The following ANKRD44 variants were observed in gnomAD, a reference collection of about 807,000 sequenced individuals.
ANKRD44 encodes the protein ankyrin repeat domain 44.
Under a neutral mutation model 116.0 loss-of-function variants are expected in ANKRD44, and 35 were observed. That is an observed-to-expected ratio of 0.30 (90% CI 0.23 to 0.40). ANKRD44 has a LOEUF of 0.40. Among genes scored for constraint, ANKRD44 ranks in the 10% least tolerant of loss-of-function variants. ANKRD44 has a pLI of 1.00. For missense variants in ANKRD44, 1,014 were observed against 1,242.6 expected (o/e 0.82, Z 2.77); for synonymous variants, 435 against 461.8 (o/e 0.94, Z 0.74).
At chr2:197,130,055 A>T (rs1218962601) in intron 4 of ANKRD44, among the ~76,000 whole-genome samples, 1 of 152,228 alleles carries the variant, frequency 6.6e-6, no homozygotes, top group Non-Finnish European at 1.5e-5. Flanking sequence ...AAAGTCTGTA[A>T]GTAATAATCT....
At chr2:197,022,306 A>G (rs2076512528) in intron 17 of ANKRD44, among the ~76,000 whole-genome samples, 1 of 152,218 alleles carries the variant, frequency 6.6e-6, no homozygotes, top group South Asian at 2.1e-4. Context: ...AGTCATGGTC[A>G]TCATCTCTTG....
At chr2:197,158,904 T>C (rs2079888110) in intron 2 of ANKRD44, among the ~76,000 whole-genome samples, 1 of 152,134 alleles carries the variant, frequency 6.6e-6, no homozygotes, top group African/African-American at 2.4e-5. Flanking sequence ...AGAATCTTGC[T>C]TTCTTGACTC....
intron 1 of ANKRD44, among the ~76,000 whole-genome samples, chr2:197,233,716 T>C (rs1299267602): frequency 6.6e-6 from 1 of 152,192 alleles, no homozygotes; most frequent in Non-Finnish European, 1.5e-5. Flanking sequence ...CAGTCACCTT[T>C]TGCCAAGAAA....
At chr2:197,054,160 T>A (rs541907869) in intron 16 of ANKRD44, among the ~76,000 whole-genome samples, 1 of 152,234 alleles carries the variant, frequency 6.6e-6, no homozygotes, top group Non-Finnish European at 1.5e-5. Context: ...TAAACTTATA[T>A]GTAATGTAAA....
intron 1 of ANKRD44, among the ~76,000 whole-genome samples, chr2:197,241,277 T>G (rs1018669824): frequency 6.6e-6 from 1 of 152,222 alleles, no homozygotes; most frequent in Non-Finnish European, 1.5e-5. Context: ...CACAGAGGAC[T>G]TAGTCGTCAA....
At chr2:197,081,760 A>G in intron 14 of ANKRD44, 35 bp from the exon 15 acceptor site, 1 of 1,545,738 alleles carries the variant, frequency 6.5e-7, no homozygotes, top group Non-Finnish European at 8.9e-7. Context: ...AAAAATTGCA[A>G]TTAATTTTTT....
intron 17 of ANKRD44, 144 bp from the exon 18 acceptor site, chr2:197,013,856 A>G (rs2076340754): frequency 5.4e-6 from 4 of 734,196 alleles, no homozygotes; most frequent in Non-Finnish European, 9.0e-6. Context: ...ATATTTATTA[A>G]AACTCAGGCA....
intron 2 of ANKRD44, among the ~76,000 whole-genome samples, chr2:197,184,874 T>C (rs556751736): frequency 6.6e-6 from 1 of 152,292 alleles, no homozygotes; most frequent in Non-Finnish European, 1.5e-5. Flanking sequence ...AGTTAACCTA[T>C]CTAATTCAGT....
intron 1 of ANKRD44, among the ~76,000 whole-genome samples, chr2:197,242,287 A>G (rs1391007703): frequency 6.6e-6 from 1 of 152,196 alleles, no homozygotes; most frequent in Non-Finnish European, 1.5e-5. Flanking sequence ...TTATAATATA[A>G]TGGTATTTTA....
chr2:197,086,555 CGAG>C, intron 13 of ANKRD44, 122 bp downstream of exon 13: 1 of 824,234 alleles, frequency 1.2e-6, no homozygotes, highest in South Asian at 1.7e-5. Flanking sequence ...GACTTCCTTC[CGAG>C]GAGGATGGAA....
chr2:197,102,269 A>G (rs2078311270), intron 9 of ANKRD44, among the ~76,000 whole-genome samples: 1 of 152,204 alleles, frequency 6.6e-6, no homozygotes, highest in Non-Finnish European at 1.5e-5. Flanking sequence ...GGAATGCCAC[A>G]GTGAATAATC....
intron 21 of ANKRD44, among the ~76,000 whole-genome samples, chr2:196,972,320 C>T (rs370036439): frequency 6.6e-6 from 1 of 152,306 alleles, no homozygotes; most frequent in South Asian, 2.1e-4. Flanking sequence ...TCGCATGCCT[C>T]AGCCACCTGA....
rs932161508 is a variant in ANKRD44, at chr2:196,987,793, A to G, written c.*1798T>C. ...GTTGTGGTTAAAATACAGTCTAAAA[A>G]TAACACAAATAAAAGCACTAAGCAA... On this transcript the variant is annotated 3_prime_UTR_variant, in exon 28 of 28. Coordinates refer to ENST00000282272, the MANE Select transcript of ANKRD44 (RefSeq NM_001195144.2). The G allele has an allele frequency of 2.3e-4, 223 of 985,342 alleles. No individual in the cohort carries two copies. The highest frequency in any genetic ancestry group is 2.5e-4 in the Non-Finnish European group (211 of 829,934). The allele number at this position is 985,342 out of a possible 1,614,324, so 61.0% of individuals were successfully genotyped here.
At chr2:197,172,287 C>T (rs1034578063) in intron 2 of ANKRD44, among the ~76,000 whole-genome samples, 1 of 152,104 alleles carries the variant, frequency 6.6e-6, no homozygotes, top group Admixed American at 6.5e-5. Context: ...CAGGTGTGAG[C>T]CACCACGCCC....
chr2:197,097,754 G>C (rs1268077021), intron 10 of ANKRD44, among the ~76,000 whole-genome samples: 7 of 152,158 alleles, frequency 4.6e-5, no homozygotes, highest in South Asian at 4.1e-4. Context: ...CTATCAGAGC[G>C]AACTTTCTTA....
intron 16 of ANKRD44, among the ~76,000 whole-genome samples, chr2:197,042,415 G>A (rs778763538): frequency 7.4e-5 from 11 of 149,462 alleles, no homozygotes; most frequent in Non-Finnish European, 1.2e-4. Context: ...ATTGTTAGGA[G>A]AAAAGGAAGA....
At chr2:197,280,709 T>A (rs1272439451) in intron 1 of ANKRD44, among the ~76,000 whole-genome samples, 1 of 152,168 alleles carries the variant, frequency 6.6e-6, no homozygotes, top group African/African-American at 2.4e-5. Flanking sequence ...TAAAAGCCCA[T>A]CAAAGAGTAT....
chr2:197,037,068 T>C (rs1015468544), intron 16 of ANKRD44, among the ~76,000 whole-genome samples: 1 of 152,220 alleles, frequency 6.6e-6, no homozygotes, highest in Non-Finnish European at 1.5e-5. Context: ...ACACCTTCAA[T>C]GTTACTTAAC....
chr2:197,198,780 G>C lies in ANKRD44; in HGVS notation c.28-11674C>G, dbSNP rs1328934839. The C allele has an allele frequency of 2.1e-5, 3 of 141,138 alleles. No homozygotes were observed. In the East Asian group the frequency reaches 5.8e-4, roughly 27 times the overall value. 8.7% of individuals were successfully genotyped at this position (141,138 alleles called of 1,614,324 possible). ...TGCACTCCAGCCTGGGCGACAGCAAGACTCCATCTCGAAAAATAAAAAATA... is the reference window on the plus strand; with the variant it reads ...TGCACTCCAGCCTGGGCGACAGCAACACTCCATCTCGAAAAATAAAAAATA... On this transcript the variant is annotated intron_variant, in intron 1 of 27. Coordinates refer to ENST00000282272, the MANE Select transcript of ANKRD44 (RefSeq NM_001195144.2).
Sources: allele counts gnomAD v4.1 joint callset (sites outside exome capture counted in the v4.1 genomes callset), GRCh38; gene constraint gnomAD v4.1.1; transcripts MANE v1.5; gene names NCBI Gene and HGNC (gene_info 2026-07-23, HGNC 2026-07-21).